The following SEL1L3 variants were observed in gnomAD, a reference collection of about 807,000 sequenced individuals.
The protein encoded by SEL1L3 is SEL1L family member 3.
In SEL1L3, 76 loss-of-function variants were observed where a neutral mutation model predicts 142.8. That is an observed-to-expected ratio of 0.53 (90% CI 0.44 to 0.64). SEL1L3 has a LOEUF of 0.64. Among genes scored for constraint, SEL1L3 ranks in the 30% least tolerant of loss-of-function variants. The pLI, the probability that SEL1L3 is intolerant of heterozygous loss-of-function variation, is 0.00. For synonymous variants in SEL1L3, 504 were observed against 519.6 expected (o/e 0.97, Z 0.41); for missense variants, 1,262 against 1,381.7 (o/e 0.91, Z 1.37).
In SEL1L3 at chr4:25,797,193, CA is replaced by C. The variant is rs112741935; in HGVS notation, c.1956+5089del. The stretch of plus-strand genomic sequence containing the variant: ...GAGAAAGGAAGGAAGAAAGGAAGAC[CA>C]AAAAAAAAAAACCCTCTAGTTGTTG... On this transcript the variant is annotated intron_variant, in intron 11 of 23. Transcript: ENST00000399878. Among the ~76,000 whole-genome samples the C allele has an allele frequency of 8.4e-3, 1,176 of 140,762 alleles. 8 individuals are homozygous for C. The highest frequency in any genetic ancestry group is 0.021 in the African/African-American group (818 of 38,312). 92.3% of individuals were successfully genotyped at this position (140,762 alleles called of 152,430 possible).
At chr4:25,787,157 G>T (rs1246371005) in intron 13 of SEL1L3, among the ~76,000 whole-genome samples, 1 of 152,170 alleles carries the variant, frequency 6.6e-6, no homozygotes, top group Non-Finnish European at 1.5e-5. Context: ...ATACCAGTTG[G>T]GTGACCTTGG....
chr4:25,858,508 C>A (rs1717420488), intron 1 of SEL1L3, among the ~76,000 whole-genome samples: 1 of 152,166 alleles, frequency 6.6e-6, no homozygotes, highest in South Asian at 2.1e-4. Flanking sequence ...CCGCTGTCTG[C>A]TAACTGTCCC....
chr4:25,853,516 C>G (rs1421108745), intron 1 of SEL1L3, among the ~76,000 whole-genome samples: 1 of 151,920 alleles, frequency 6.6e-6, no homozygotes, highest in Non-Finnish European at 1.5e-5. Context: ...GTAAAATATT[C>G]ATTGAATTTC....
At chr4:25,848,679 G>T (rs1250814600) in intron 1 of SEL1L3, among the ~76,000 whole-genome samples, 1 of 152,154 alleles carries the variant, frequency 6.6e-6, no homozygotes, top group Non-Finnish European at 1.5e-5. Context: ...CATTAGGGTG[G>T]CTATTATTAA....
At chr4:25,796,879 AAG>A (rs1485173907) in intron 11 of SEL1L3, among the ~76,000 whole-genome samples, 1 of 151,692 alleles carries the variant, frequency 6.6e-6, no homozygotes, top group Non-Finnish European at 1.5e-5. Context: ...AAAAAAAAAA[AAG>A]AAGAAAGGTA....
the SEL1L3 span, chr4:25,719,066 C>T: frequency 2.0e-5 from 3 of 152,200 alleles, no homozygotes; most frequent in African/African-American, 7.2e-5. Flanking sequence ...ATTCCAGCTA[C>T]TTGGGAGGCT....
At chr4:25,821,850 A>G (rs1714781416) in intron 7 of SEL1L3, 146 bp downstream of exon 7, 3 of 812,966 alleles carry the variant, frequency 3.7e-6, no homozygotes, top group African/African-American at 1.7e-5. Flanking sequence ...TTGCTGGGGG[A>G]AAAGCCTCAA....
At chr4:25,806,041 G>GTTTTTTTTTT (rs33956733) in intron 9 of SEL1L3, among the ~76,000 whole-genome samples, 1 of 134,818 alleles carries the variant, frequency 7.4e-6, no homozygotes. Context: ...TGTTTTGTTT[G>GTTTTTTTTTT]TTTTTTTTTT....
rs765237380 is a variant in SEL1L3 at position 25,833,562 on chromosome 4, C to T, written c.868G>A (p.Val290Ile). 3 of 1,610,304 alleles carry T rather than the reference C, an allele frequency of 1.9e-6. No homozygotes were observed. The highest frequency in any genetic ancestry group is 2.7e-5 in the African/African-American group (2 of 74,790). The change falls in exon 4 of 24, where the codon GTT (valine) becomes ATT (isoleucine). Residue 290 changes from valine to isoleucine, a missense_variant. Physicochemically the swap from Val to Ile is conservative, Grantham distance 29. Coordinates refer to ENST00000399878, the MANE Select transcript of SEL1L3 (RefSeq NM_015187.5). ...RQRMDYPVFT[V>I]SLWLYLLHYC... The stretch of plus-strand genomic sequence containing the variant: ...TGGAGTAAATAAAGCCACAATGAAA[C>T]AGTAAACCTATAAGAGTGAGGGGGA...
Position 25,862,743 on chromosome 4 carries a change from G to T in SEL1L3, c.94C>A (p.Pro32Thr). 1 of 1,245,146 alleles carries T rather than the reference G, an allele frequency of 8.0e-7. No homozygotes were observed. Among genetic ancestry groups the T allele is most frequent in the Non-Finnish European group, 1.0e-6 (1 of 995,342 alleles). The allele number at this position is 1,245,146 out of a possible 1,614,324, so 77.1% of individuals were successfully genotyped here. ...AGGCCCTGGGGGACGCCGCCACTCG[G>T]GACCATGGCTGCGGCCCGGGGGCCG... ...AVGPRAAAMV[P>T]SGGVPQGLGG... is the part of the protein sequence containing the mutation. The change falls in exon 1 of 24, where the codon CCG (proline) becomes ACG (threonine). Residue 32 changes from proline (P) to threonine (T), a missense_variant. Physicochemically the swap from Pro to Thr is conservative, Grantham distance 38 (BLOSUM62 -1). Transcript: ENST00000399878.
intron 13 of SEL1L3, among the ~76,000 whole-genome samples, chr4:25,785,547 G>A (rs1055502071): frequency 1.3e-5 from 2 of 152,176 alleles, no homozygotes; most frequent in African/African-American, 2.4e-5. Context: ...CCAACTAAAG[G>A]TTAAATTACA....
At chr4:25,777,075 C>A (rs544867157) in intron 16 of SEL1L3, among the ~76,000 whole-genome samples, 3 of 150,894 alleles carry the variant, frequency 2.0e-5, no homozygotes, top group Non-Finnish European at 3.0e-5. Flanking sequence ...ATACAAATAC[C>A]CAATTACATG....
the SEL1L3 span, among the ~76,000 whole-genome samples, chr4:25,728,309 A>G: frequency 6.6e-6 from 1 of 152,120 alleles, no homozygotes; most frequent in Non-Finnish European, 1.5e-5. Context: ...TTCTATTTGC[A>G]AAGTTTCCAG....
chr4:25,786,246 G>C (rs568089178), intron 13 of SEL1L3, among the ~76,000 whole-genome samples: 12 of 152,252 alleles, frequency 7.9e-5, no homozygotes, highest in East Asian at 5.8e-4. Flanking sequence ...TGCACGTACT[G>C]TTCTTTGCAT....
At chr4:25,742,134 A>G in the SEL1L3 span, among the ~76,000 whole-genome samples, 5 of 151,586 alleles carry the variant, frequency 3.3e-5, no homozygotes, top group Middle Eastern at 3.2e-3. Context: ...TTCTATTACT[A>G]GCCTTGTAGT....
intron 16 of SEL1L3, among the ~76,000 whole-genome samples, chr4:25,778,122 C>G (rs1470504960): frequency 6.6e-6 from 1 of 152,104 alleles, no homozygotes; most frequent in Non-Finnish European, 1.5e-5. Flanking sequence ...CTCCCATTCA[C>G]CATACCTCAG....
chr4:25,819,828 C>G lies in SEL1L3; in HGVS notation c.1403G>C (p.Gly468Ala). Residue 468 changes from glycine to alanine, a missense_variant, in exon 8 of 24, where the codon GGG becomes GCG. This residue lies in a region of SEL1L3 where 689 missense variants were observed against 692.8 expected (regional missense o/e 0.99). Transcript: ENST00000399878. ...CTTACATGCTTCTTGTCTCTCGCCC[C>G]CGTGCTTTGCTGCAGATGCATACAC... ...VSVYASAAKH[G>A]GERQEACHLH... 6.2e-7 allele frequency: 1 copy of G among 1,612,352 alleles called. No individual in the cohort carries two copies. The highest frequency in any genetic ancestry group is 8.5e-7 in the Non-Finnish European group (1 of 1,179,322).
intron 14 of SEL1L3, among the ~76,000 whole-genome samples, chr4:25,783,213 A>C (rs1424045903): frequency 6.6e-6 from 1 of 152,188 alleles, no homozygotes; most frequent in African/African-American, 2.4e-5. Context: ...ACTACCATTA[A>C]GTTACTTTTC....
Position 25,748,549 on chromosome 4 carries a change from G to C in SEL1L3, c.3275C>G (p.Pro1092Arg), listed in dbSNP as rs1717390681. 3 of 1,610,948 alleles carry C rather than the reference G, an allele frequency of 1.9e-6. 1 individual carries two copies. The African/African-American group carries it at 4.0e-5, about 21-fold the overall frequency. ...FQSVSASDPP[P>R]RPSQASPDTA... Reference sequence around the variant, plus strand: ...GTCTGGGGAGGCCTGGGATGGTCTTGGAGGGGGATCGCTTGCTGCAGAGAC... The same window carrying C: ...GTCTGGGGAGGCCTGGGATGGTCTTCGAGGGGGATCGCTTGCTGCAGAGAC... The change falls in exon 24 of 24, where the codon CCA becomes CGA. Residue 1092 changes from proline (P) to arginine (R), a missense_variant. Transcript: ENST00000399878.
Sources: gnomAD v4.1 joint callset for allele counts (sites outside exome capture counted in the v4.1 genomes callset) on GRCh38, gnomAD v4.1.1 for gene constraint, gnomAD v4.1.1 regional missense constraint, MANE v1.5 for transcripts, NCBI Gene and HGNC (gene_info 2026-07-23, HGNC 2026-07-21) for gene names.